Variants in ARHGAP15 observed in about 807,000 individuals in gnomAD.
ARHGAP15 encodes rho GTPase-activating protein 15.
Under a neutral mutation model 63.7 loss-of-function variants are expected in ARHGAP15, and 51 were observed. That is an observed-to-expected ratio of 0.80 (90% CI 0.64 to 1.01). ARHGAP15 has a LOEUF of 1.01. ARHGAP15 is among the 50% of genes least tolerant of loss of function. The pLI, the probability that ARHGAP15 is intolerant of heterozygous loss-of-function variation, is 0.00. For missense variants in ARHGAP15, 560 were observed against 564.6 expected (o/e 0.99, Z 0.08); for synonymous variants, 191 against 193.8 (o/e 0.99, Z 0.12).
At chr2:143,380,868 T>C (rs921923931) in intron 6 of ARHGAP15, among the ~76,000 whole-genome samples, 3 of 152,122 alleles carry the variant, frequency 2.0e-5, no homozygotes, top group Non-Finnish European at 2.9e-5. Context: ...ATGGGACATT[T>C]AACACATTAT....
intron 8 of ARHGAP15, among the ~76,000 whole-genome samples, chr2:143,440,227 G>A (rs1689812542): frequency 6.6e-6 from 1 of 152,046 alleles, no homozygotes; most frequent in Non-Finnish European, 1.5e-5. Context: ...TTTTATATTT[G>A]ATGCTTTGTA....
chr2:143,553,534 A>G (rs1241804179), intron 10 of ARHGAP15, among the ~76,000 whole-genome samples: 1 of 152,222 alleles, frequency 6.6e-6, no homozygotes, highest in Non-Finnish European at 1.5e-5. Flanking sequence ...CCACAGCGGT[A>G]GCACAGGTCT....
chr2:143,633,870 A>G (rs977942740), intron 12 of ARHGAP15, among the ~76,000 whole-genome samples: 7 of 152,034 alleles, frequency 4.6e-5, no homozygotes, highest in East Asian at 1.9e-4. Context: ...TTGACACCAC[A>G]TTGTGATCAC....
intron 3 of ARHGAP15, among the ~76,000 whole-genome samples, chr2:143,206,162 G>A (rs1032670955): frequency 2.0e-5 from 3 of 152,044 alleles, no homozygotes; most frequent in African/African-American, 7.2e-5. Flanking sequence ...ACATGTTCAT[G>A]TGTTGTTTTG....
chr2:143,173,096 CACTT>C (rs1447751388), intron 2 of ARHGAP15, among the ~76,000 whole-genome samples: 1 of 151,952 alleles, frequency 6.6e-6, no homozygotes, highest in African/African-American at 2.4e-5. Flanking sequence ...TACACACAAA[CACTT>C]AGGTAACTAT....
At chr2:143,594,020 TAAAC>T (rs1343549517) in intron 11 of ARHGAP15, among the ~76,000 whole-genome samples, 1 of 152,142 alleles carries the variant, frequency 6.6e-6, no homozygotes, top group Non-Finnish European at 1.5e-5. Context: ...TGTTTAAAAA[TAAAC>T]AGCAAATTAT....
chr2:143,699,919 C>A (rs561856292), intron 12 of ARHGAP15, among the ~76,000 whole-genome samples: 1 of 152,266 alleles, frequency 6.6e-6, no homozygotes, highest in East Asian at 1.9e-4. Context: ...GAGTAAGAAA[C>A]TTCTCCAAGA....
At chr2:143,378,844 CTG>C (rs1203233801) in intron 6 of ARHGAP15, among the ~76,000 whole-genome samples, 1 of 151,912 alleles carries the variant, frequency 6.6e-6, no homozygotes, top group African/African-American at 2.4e-5. Context: ...TGAAAGTTGA[CTG>C]TACACAAAAA....
chr2:143,677,088 G>C (rs911830344), intron 12 of ARHGAP15, among the ~76,000 whole-genome samples: 2 of 152,190 alleles, frequency 1.3e-5, no homozygotes, highest in African/African-American at 4.8e-5. Flanking sequence ...ATTGTGTTTT[G>C]ATCATACATG....
chr2:143,360,927 G>A (rs1686023886), intron 6 of ARHGAP15, among the ~76,000 whole-genome samples: 1 of 152,004 alleles, frequency 6.6e-6, no homozygotes, highest in African/African-American at 2.4e-5. Context: ...TACATAAATT[G>A]GAACACATTT....
At chr2:143,198,808 A>G (rs1691990608) in intron 2 of ARHGAP15, among the ~76,000 whole-genome samples, 1 of 152,166 alleles carries the variant, frequency 6.6e-6, no homozygotes, top group Admixed American at 6.6e-5. Flanking sequence ...CCACTCATCA[A>G]TATTGTGGAG....
intron 13 of ARHGAP15, among the ~76,000 whole-genome samples, chr2:143,733,023 C>G (rs1462249210): frequency 5.9e-5 from 9 of 151,532 alleles, no homozygotes; most frequent in Non-Finnish European, 1.3e-4. Context: ...CTGATCTACC[C>G]CAGTCATGTC....
At chr2:143,515,804 A>C (rs1278663336) in intron 9 of ARHGAP15, among the ~76,000 whole-genome samples, 2 of 152,216 alleles carry the variant, frequency 1.3e-5, no homozygotes, top group Admixed American at 1.3e-4. Flanking sequence ...GCACACTCTC[A>C]AATAATTTAA....
At chr2:143,145,933 A>G (rs953218471) in intron 1 of ARHGAP15, among the ~76,000 whole-genome samples, 1 of 151,144 alleles carries the variant, frequency 6.6e-6, no homozygotes, top group African/African-American at 2.4e-5. Flanking sequence ...ATATATATAT[A>G]TCTCACACCA....
At chr2:143,417,570 C>T (rs918905499) in intron 6 of ARHGAP15, among the ~76,000 whole-genome samples, 1 of 152,030 alleles carries the variant, frequency 6.6e-6, no homozygotes, top group Non-Finnish European at 1.5e-5. Flanking sequence ...CAGTGGCTAC[C>T]CTTTTTAATC....
chr2:143,342,353 T>C (rs1423616348), intron 6 of ARHGAP15, among the ~76,000 whole-genome samples: 1 of 152,070 alleles, frequency 6.6e-6, no homozygotes, highest in Non-Finnish European at 1.5e-5. Flanking sequence ...TCTAGCAGTA[T>C]AATATTTCAT....
At chr2:143,175,051 G>A (rs541403132) in intron 2 of ARHGAP15, among the ~76,000 whole-genome samples, 2 of 152,208 alleles carry the variant, frequency 1.3e-5, no homozygotes, top group South Asian at 2.1e-4. Context: ...CAATGAACCT[G>A]CAGATGCATA....
intron 4 of ARHGAP15, among the ~76,000 whole-genome samples, chr2:143,227,575 A>C (rs1256577196): frequency 1.3e-5 from 2 of 152,198 alleles, no homozygotes; most frequent in Non-Finnish European, 2.9e-5. Flanking sequence ...TGGAATTAAT[A>C]ATCAGAAGGA....
intron 6 of ARHGAP15, among the ~76,000 whole-genome samples, chr2:143,339,311 A>G (rs551648000): frequency 2.6e-5 from 4 of 152,230 alleles, no homozygotes; most frequent in South Asian, 4.2e-4. Flanking sequence ...TGAGTACTCA[A>G]TTTCTTATCT....
Sources: allele counts gnomAD v4.1 joint callset (sites outside exome capture counted in the v4.1 genomes callset), GRCh38; gene constraint gnomAD v4.1.1; transcripts MANE v1.5; gene names NCBI Gene and HGNC (gene_info 2026-07-23, HGNC 2026-07-21).